Variants in AGBL1 observed in about 807,000 individuals in gnomAD.
AGBL1 encodes the protein AGBL carboxypeptidase 1.
A neutral mutation model predicts 118.9 loss-of-function variants in AGBL1; 130 were observed. The observed-to-expected ratio is 1.09, with a 90% CI of 0.95 to 1.26. The LOEUF is 1.26. AGBL1 is among the 50% of genes most tolerant of loss of function. AGBL1 has a pLI of 0.00. For missense variants in AGBL1, 1,584 were observed against 1,298.1 expected (o/e 1.22, Z -3.38); for synonymous variants, 555 against 478.9 (o/e 1.16, Z -2.08).
intron 17 of AGBL1, among the ~76,000 whole-genome samples, chr15:86,382,198 C>A (rs1480828940): frequency 2.6e-5 from 4 of 151,700 alleles, no homozygotes; most frequent in African/African-American, 9.7e-5. Flanking sequence ...AGGGTTGACA[C>A]ATCTTTAAGC....
intron 3 of AGBL1, among the ~76,000 whole-genome samples, chr15:86,145,888 G>A (rs931601679): frequency 4.6e-5 from 7 of 152,214 alleles, no homozygotes; most frequent in Admixed American, 3.9e-4. Context: ...GTAAGAGGAA[G>A]CAAGAGTGAT....
intron 22 of AGBL1, among the ~76,000 whole-genome samples, chr15:86,811,320 T>C (rs930816206): frequency 2.0e-5 from 3 of 152,128 alleles, no homozygotes; most frequent in Non-Finnish European, 4.4e-5. Flanking sequence ...CGGAGGAGGA[T>C]GAAAGATGGG....
Position 86,407,386 on chromosome 15 carries a change from G to A in AGBL1, c.2555+9840G>A, listed in dbSNP as rs769852509. On this transcript the variant is annotated intron_variant, in intron 18 of 22. Transcript: ENST00000614907. ...GGTTATACAGCCCCACTGTGTCAAAGCTTCTAGACAATCATCCTGGTGTCT... is the reference window on the plus strand; with the variant it reads ...GGTTATACAGCCCCACTGTGTCAAAACTTCTAGACAATCATCCTGGTGTCT... 2.0e-5 allele frequency among the ~76,000 whole-genome samples: 3 copies of A among 152,266 alleles called. No homozygotes were observed. The East Asian group carries it at 5.8e-4, about 29-fold the overall frequency.
chr15:86,643,962 A>G (rs2085232324), intron 21 of AGBL1, among the ~76,000 whole-genome samples: 1 of 152,198 alleles, frequency 6.6e-6, no homozygotes, highest in Non-Finnish European at 1.5e-5. Context: ...TAAATAATGC[A>G]GTCTATACAA....
At chr15:86,478,999 A>T (rs1246591467) in intron 18 of AGBL1, among the ~76,000 whole-genome samples, 2 of 152,246 alleles carry the variant, frequency 1.3e-5, no homozygotes, top group African/African-American at 4.8e-5. Context: ...TCCCTGTTTA[A>T]TAAATGGTGC....
chr15:86,212,377 C>G (rs1441990998), intron 5 of AGBL1, among the ~76,000 whole-genome samples: 2 of 152,116 alleles, frequency 1.3e-5, no homozygotes, highest in African/African-American at 2.4e-5. Flanking sequence ...GTCTGGAACT[C>G]AGGAAGCGGG....
intron 6 of AGBL1, among the ~76,000 whole-genome samples, chr15:86,231,636 C>T (rs2078456593): frequency 6.6e-6 from 1 of 152,176 alleles, no homozygotes; most frequent in Non-Finnish European, 1.5e-5. Context: ...GCACTCTATA[C>T]ACAGTTAGCC....
intron 3 of AGBL1, among the ~76,000 whole-genome samples, chr15:86,152,727 C>A (rs983613668): frequency 1.3e-5 from 2 of 152,158 alleles, no homozygotes; most frequent in East Asian, 3.8e-4. Flanking sequence ...AGTGAACAGG[C>A]ATCCTACAGA....
At chr15:86,103,803 G>T (rs1896873574) in intron 1 of AGBL1, among the ~76,000 whole-genome samples, 1 of 152,238 alleles carries the variant, frequency 6.6e-6, no homozygotes, top group South Asian at 2.1e-4. Flanking sequence ...GTTGGTGTTA[G>T]CTATTCTAGG....
intron 24 of AGBL1, among the ~76,000 whole-genome samples, chr15:87,025,608 C>A (rs1236968092): frequency 6.6e-6 from 1 of 151,920 alleles, no homozygotes; most frequent in Non-Finnish European, 1.5e-5. Context: ...CAATACCCAT[C>A]AAAATACCAC....
rs145109604 is a variant in AGBL1 at position 86,862,613 on chromosome 15, C to G, written c.3159-44474C>G. Among the ~76,000 whole-genome samples the G allele has an allele frequency of 8.5e-3, 1,291 of 152,136 alleles. 14 individuals carry two copies. The highest frequency in any genetic ancestry group is 0.03 in the African/African-American group (1,247 of 41,498). ...ACATATGCCTGTAGTCCCAGCTACT[C>G]GGAGGGCTGACGCAGGAGACTCACT... is the stretch of plus-strand genomic sequence containing the variant. On this transcript the variant is annotated intron_variant, in intron 22 of 22. Transcript: ENST00000614907.
intron 5 of AGBL1, among the ~76,000 whole-genome samples, chr15:86,213,164 A>T (rs546200476): frequency 6.6e-6 from 1 of 152,256 alleles, no homozygotes; most frequent in South Asian, 2.1e-4. Flanking sequence ...AAACTAAAAG[A>T]TCTCTTTTTT....
chr15:86,918,507 C>T (rs2080451796), downstream of AGBL1, among the ~76,000 whole-genome samples: 2 of 151,528 alleles, frequency 1.3e-5, no homozygotes, highest in Admixed American at 1.3e-4. Flanking sequence ...CGCTGCACTC[C>T]AGCCTGGGCC....
At chr15:86,840,527 C>T (rs754330700) in intron 22 of AGBL1, among the ~76,000 whole-genome samples, 1 of 152,170 alleles carries the variant, frequency 6.6e-6, no homozygotes, top group Non-Finnish European at 1.5e-5. Flanking sequence ...CTCACTGCAA[C>T]CTCCGCCTCC....
chr15:86,447,846 CA>C (rs2082142570), intron 18 of AGBL1, among the ~76,000 whole-genome samples: 1 of 152,098 alleles, frequency 6.6e-6, no homozygotes, highest in Non-Finnish European at 1.5e-5. Flanking sequence ...TAAGGCAACA[CA>C]AAAGGATCAA....
chr15:86,506,137 G>A (rs1231398640), intron 18 of AGBL1, among the ~76,000 whole-genome samples: 1 of 152,040 alleles, frequency 6.6e-6, no homozygotes, highest in East Asian at 1.9e-4. Context: ...CACTCAGTCA[G>A]ACAGTTTACA....
intron 17 of AGBL1, among the ~76,000 whole-genome samples, chr15:86,312,733 T>A (rs2079939247): frequency 1.3e-5 from 2 of 152,174 alleles, no homozygotes. Context: ...CATGTAGTGA[T>A]GCACATCCCG....
chr15:86,402,313 G>C (rs1265984286), intron 18 of AGBL1, among the ~76,000 whole-genome samples: 1 of 152,012 alleles, frequency 6.6e-6, no homozygotes, highest in Non-Finnish European at 1.5e-5. Flanking sequence ...TTTGTATCCT[G>C]AAACTTTACT....
At chr15:86,745,006 T>C (rs7171158) in intron 22 of AGBL1, among the ~76,000 whole-genome samples, 11,609 of 151,866 alleles carry the variant, frequency 0.076, 1,004 homozygotes, top group African/African-American at 0.21. Flanking sequence ...CCAGGAAGAG[T>C]TTGGGACCAG....
Sources: gnomAD v4.1 joint callset for allele counts (sites outside exome capture counted in the v4.1 genomes callset) on GRCh38, gnomAD v4.1.1 for gene constraint, MANE v1.5 for transcripts, NCBI Gene and HGNC (gene_info 2026-07-23, HGNC 2026-07-21) for gene names.